The following ANKRD30BL variants were observed in gnomAD, a reference collection of about 807,000 sequenced individuals.
ANKRD30BL encodes the protein putative ankyrin repeat domain-containing protein 30B-like.
ANKRD30BL carries 20 observed loss-of-function variants against 18.4 expected under a neutral mutation model. The observed-to-expected ratio is 1.09, with a 90% CI of 0.77 to 1.58. The LOEUF is 1.58. ANKRD30BL is among the 40% of genes most tolerant of loss of function. The pLI is 0.00. For missense variants in ANKRD30BL, 224 were observed against 268.6 expected (o/e 0.83, Z 1.16); for synonymous variants, 72 against 100.9 (o/e 0.71, Z 1.72).
chr2:132,176,542 T>C (rs7586357), intron 1 of ANKRD30BL, among the ~76,000 whole-genome samples: 92,831 of 151,734 alleles, frequency 0.61, 30,417 homozygotes, highest in African/African-American at 0.87. Context: ...ACCTGGGAAG[T>C]GGAGGTTGCA....
intron 1 of ANKRD30BL, among the ~76,000 whole-genome samples, chr2:132,200,033 A>G (rs1267440543): frequency 4.6e-5 from 7 of 152,230 alleles, no homozygotes; most frequent in Non-Finnish European, 7.3e-5. Flanking sequence ...ACTGTAATCT[A>G]GCATATAAAC....
At chr2:132,256,713 G>T (rs1680851806) in intron 1 of ANKRD30BL, among the ~76,000 whole-genome samples, 1 of 152,238 alleles carries the variant, frequency 6.6e-6, no homozygotes, top group Non-Finnish European at 1.5e-5. Flanking sequence ...TGTCCACCAG[G>T]CCCACTCGGG....
At chr2:132,231,001 A>G (rs865974558) in intron 1 of ANKRD30BL, among the ~76,000 whole-genome samples, 29 of 152,190 alleles carry the variant, frequency 1.9e-4, no homozygotes, top group Middle Eastern at 3.2e-3. Context: ...CATAATCACT[A>G]GACAGAAGAT....
intron 1 of ANKRD30BL, among the ~76,000 whole-genome samples, chr2:132,248,630 C>T (rs7576344): frequency 0.11 from 16,556 of 151,204 alleles, 2,976 homozygotes; most frequent in African/African-American, 0.38. Flanking sequence ...TTTTTCACCA[C>T]AGACCTCAAG....
intron 1 of ANKRD30BL, among the ~76,000 whole-genome samples, chr2:132,168,938 G>T (rs1688232346): frequency 6.6e-6 from 1 of 150,946 alleles, no homozygotes; most frequent in Admixed American, 6.6e-5. Context: ...AATTATGAAA[G>T]GGATACATTT....
At chr2:132,238,840 G>A (rs796556645) in intron 1 of ANKRD30BL, among the ~76,000 whole-genome samples, 1 of 151,984 alleles carries the variant, frequency 6.6e-6, no homozygotes, top group Non-Finnish European at 1.5e-5. Context: ...TGTGATGTTT[G>A]CATTCATCTC....
intron 1 of ANKRD30BL, among the ~76,000 whole-genome samples, chr2:132,255,572 C>A (rs16849015): frequency 6.6e-6 from 1 of 152,134 alleles, no homozygotes; most frequent in Non-Finnish European, 1.5e-5. Flanking sequence ...GGAATTACCA[C>A]GGCTGCTGGC....
Position 132,249,724 on chromosome 2 carries a change from T to G in ANKRD30BL, n.441+7805A>C, listed in dbSNP as rs536755638. On this transcript the variant is annotated intron_variant and non_coding_transcript_variant, in intron 1 of 4. Transcript: ENST00000470729. ...TACAAAAATACTGTTTCCAAACTGC[T>G]CAATCAAAAGAATGGTTCAACTCTG... Among the ~76,000 whole-genome samples, 298 of 152,290 alleles carry G rather than the reference T, an allele frequency of 2.0e-3. 1 individual carries two copies. The highest frequency in any genetic ancestry group is 6.9e-3 in the African/African-American group (285 of 41,568).
chr2:132,219,156 T>C (rs1335729270), intron 1 of ANKRD30BL, among the ~76,000 whole-genome samples: 2 of 151,908 alleles, frequency 1.3e-5, no homozygotes, highest in Non-Finnish European at 2.9e-5. Flanking sequence ...ACATAAAAAC[T>C]AGACAGAAGC....
Position 132,253,930 on chromosome 2 carries a change from G to A in ANKRD30BL, n.441+3599C>T, listed in dbSNP as rs571825871. On this transcript the variant is annotated intron_variant and non_coding_transcript_variant, in intron 1 of 4. Coordinates refer to the ANKRD30BL transcript ENST00000470729. ...AGAGGTGACGATGGTGGCAGCGGCA[G>A]CGATGGGAACCTGGCCAGCCCCAAA... Among the ~76,000 whole-genome samples the A allele has an allele frequency of 6.6e-5, 10 of 152,168 alleles. No homozygotes were observed. The East Asian group carries it at 2.0e-3, about 30-fold the overall frequency.
Position 132,223,824 on chromosome 2 carries a change from G to T in ANKRD30BL, n.441+33705C>A, listed in dbSNP as rs570543805. On this transcript the variant is annotated intron_variant and non_coding_transcript_variant, in intron 1 of 4. Coordinates refer to the ANKRD30BL transcript ENST00000470729. ...TAAAAACTAGACAGAAGCATTCTCA[G>T]AAAGTCATTTGCTATGTTTGCCTTC... 2.5e-3 allele frequency among the ~76,000 whole-genome samples: 383 copies of T among 152,198 alleles called. 1 individual carries two copies. The highest frequency in any genetic ancestry group is 6.8e-3 in the Middle Eastern group (2 of 294).
chr2:132,220,412 G>A (rs1456091744), intron 1 of ANKRD30BL, among the ~76,000 whole-genome samples: 15 of 149,124 alleles, frequency 1.0e-4, no homozygotes, highest in African/African-American at 3.5e-4. Context: ...CTCTGATGCC[G>A]AGCCAAAGCT....
intron 1 of ANKRD30BL, among the ~76,000 whole-genome samples, chr2:132,213,028 A>T (rs1335434049): frequency 6.6e-6 from 1 of 151,588 alleles, no homozygotes; most frequent in African/African-American, 2.4e-5. Context: ...TTCATGATGT[A>T]TGCATTCATC....
intron 1 of ANKRD30BL, among the ~76,000 whole-genome samples, chr2:132,213,683 T>A (rs933550077): frequency 2.6e-5 from 4 of 152,090 alleles, no homozygotes; most frequent in Middle Eastern, 3.5e-3. Flanking sequence ...CTGTGAAACT[T>A]CTTTGTGATG....
intron 1 of ANKRD30BL, among the ~76,000 whole-genome samples, chr2:132,168,649 G>A (rs971293277): frequency 1.3e-5 from 2 of 152,054 alleles, no homozygotes; most frequent in African/African-American, 4.8e-5. Context: ...AACATATATA[G>A]CATAGTAGCT....
intron 1 of ANKRD30BL, among the ~76,000 whole-genome samples, chr2:132,199,549 C>T (rs1302874134): frequency 6.6e-6 from 1 of 151,366 alleles, no homozygotes; most frequent in Non-Finnish European, 1.5e-5. Context: ...CTCTGTGGTC[C>T]AAGCTGGAGT....
chr2:132,208,533 C>G (rs1034148535), intron 1 of ANKRD30BL, among the ~76,000 whole-genome samples: 3 of 152,004 alleles, frequency 2.0e-5, no homozygotes, highest in Non-Finnish European at 4.4e-5. Context: ...TTCCTGAGTA[C>G]AAAATTATGA....
intron 1 of ANKRD30BL, among the ~76,000 whole-genome samples, chr2:132,201,492 G>C (rs888456984): frequency 6.6e-6 from 1 of 152,278 alleles, no homozygotes; most frequent in East Asian, 1.9e-4. Context: ...GACATGAACA[G>C]ACACTTCTCA....
In ANKRD30BL at chr2:132,148,046, A is replaced by C. The variant is rs922323191; in HGVS notation, c.*85T>G. Reference sequence around the variant, plus strand: ...ATATTTGTTCTTTGATGAGGAACTCAGAACTCATTGTACTTAATCTTCCCC... The same window carrying C: ...ATATTTGTTCTTTGATGAGGAACTCCGAACTCATTGTACTTAATCTTCCCC... On this transcript the variant is annotated 3_prime_UTR_variant, in exon 6 of 6. Coordinates refer to ENST00000409867, the MANE Select transcript of ANKRD30BL (RefSeq NM_001358416.1). The C allele has an allele frequency of 2.4e-5, 24 of 1,003,632 alleles. No individual in the cohort carries two copies. In the African/African-American group the frequency reaches 3.2e-4, roughly 13 times the overall value. 62.2% of individuals were successfully genotyped at this position (1,003,632 alleles called of 1,614,324 possible). A position where few individuals can be genotyped will look rare whatever the true frequency, so the allele number is the denominator to read the frequency against.
Sources: allele counts gnomAD v4.1 joint callset (sites outside exome capture counted in the v4.1 genomes callset), GRCh38; gene constraint gnomAD v4.1.1; transcripts MANE v1.5; gene names NCBI Gene and HGNC (gene_info 2026-07-23, HGNC 2026-07-21).